Variants in STK39 observed in about 807,000 individuals in gnomAD.
The protein encoded by STK39 is serine/threonine kinase 39.
Under a neutral mutation model 77.8 loss-of-function variants are expected in STK39, and 20 were observed. The ratio of observed to expected loss-of-function variants is 0.26; its 90% CI spans 0.18 to 0.37. The LOEUF (loss-of-function observed/expected upper bound fraction) is 0.37, where lower values mean the gene tolerates loss of function less well. Ranked by LOEUF, STK39 falls within the 10% of genes least tolerant of loss-of-function variation. STK39 has a pLI of 1.00. For synonymous variants in STK39, 246 were observed against 234.1 expected (o/e 1.05, Z -0.47); for missense variants, 479 against 656.5 (o/e 0.73, Z 2.95).
intron 8 of STK39, among the ~76,000 whole-genome samples, chr2:168,133,805 C>T (rs1420448207): frequency 6.6e-6 from 1 of 151,770 alleles, no homozygotes; most frequent in Non-Finnish European, 1.5e-5. Context: ...TTGCAGTGAG[C>T]CGAGATCATG....
chr2:167,972,598 C>G (rs1692378921), intron 16 of STK39, among the ~76,000 whole-genome samples: 1 of 152,176 alleles, frequency 6.6e-6, no homozygotes, highest in African/African-American at 2.4e-5. Context: ...CCTCCACGAA[C>G]CATCTTAAAT....
intron 16 of STK39, among the ~76,000 whole-genome samples, chr2:167,986,271 C>T (rs899298868): frequency 2.0e-5 from 3 of 152,164 alleles, no homozygotes; most frequent in African/African-American, 7.2e-5. Context: ...AGAAATAAGA[C>T]AGCCTGCAGT....
At chr2:168,091,358 C>T (rs1686519160) in intron 10 of STK39, among the ~76,000 whole-genome samples, 2 of 152,216 alleles carry the variant, frequency 1.3e-5, no homozygotes, top group Admixed American at 1.3e-4. Context: ...CCCAAGTTAT[C>T]TTCTCATGTC....
At chr2:168,086,574 T>C (rs905790520) in intron 10 of STK39, among the ~76,000 whole-genome samples, 3 of 152,286 alleles carry the variant, frequency 2.0e-5, no homozygotes, top group Non-Finnish European at 2.9e-5. Flanking sequence ...AAAAGTTCTA[T>C]AGGCAATTAG....
intron 16 of STK39, among the ~76,000 whole-genome samples, chr2:167,982,173 G>GT (rs777071792): frequency 8.5e-5 from 13 of 152,164 alleles, no homozygotes; most frequent in Admixed American, 4.6e-4. Context: ...CCCAATATTT[G>GT]TTGTATGGTA....
intron 1 of STK39, among the ~76,000 whole-genome samples, chr2:168,236,579 T>A (rs1690616567): frequency 6.6e-6 from 1 of 152,200 alleles, no homozygotes; most frequent in African/African-American, 2.4e-5. Flanking sequence ...GTTTTTATGG[T>A]TTTAGGTCTA....
At chr2:168,113,538 G>C (rs1271342249) in intron 10 of STK39, among the ~76,000 whole-genome samples, 1 of 152,212 alleles carries the variant, frequency 6.6e-6, no homozygotes, top group Non-Finnish European at 1.5e-5. Flanking sequence ...GCAAAGAGAG[G>C]AAAGTAGCTT....
At chr2:168,152,426 A>C (rs1688312943) in intron 5 of STK39, among the ~76,000 whole-genome samples, 1 of 152,224 alleles carries the variant, frequency 6.6e-6, no homozygotes, top group South Asian at 2.1e-4. Flanking sequence ...TTTTGATGCA[A>C]GATAGGTCCT....
At chr2:168,016,889 G>A (rs1259918802) in intron 15 of STK39, among the ~76,000 whole-genome samples, 154 bp downstream of exon 15, 1 of 152,200 alleles carries the variant, frequency 6.6e-6, no homozygotes, top group Non-Finnish European at 1.5e-5. Flanking sequence ...GGAATCCTTA[G>A]AAGTATCAAA....
At chr2:168,037,484 TTATCTG>T (rs1684986996) in intron 14 of STK39, among the ~76,000 whole-genome samples, 2 of 152,178 alleles carry the variant, frequency 1.3e-5, no homozygotes, top group Admixed American at 1.3e-4. Context: ...AATCTGACAG[TTATCTG>T]TATAAGACCA....
chr2:167,960,600 G>A (rs952389630), intron 17 of STK39, among the ~76,000 whole-genome samples: 1 of 152,006 alleles, frequency 6.6e-6, no homozygotes, highest in African/African-American at 2.4e-5. Context: ...CTTACTCAGG[G>A]TGTATTCTGA....
At chr2:168,153,265 T>C (rs1338119823) in intron 5 of STK39, among the ~76,000 whole-genome samples, 1 of 152,354 alleles carries the variant, frequency 6.6e-6, no homozygotes. Context: ...CCACTTCCAG[T>C]TCTAAGTACT....
At chr2:168,100,493 G>A (rs920830729) in intron 10 of STK39, among the ~76,000 whole-genome samples, 1 of 152,078 alleles carries the variant, frequency 6.6e-6, no homozygotes, top group Non-Finnish European at 1.5e-5. Context: ...CGAACTCCTG[G>A]GCTCAAGCGA....
chr2:168,085,235 T>C (rs952642939), intron 10 of STK39, among the ~76,000 whole-genome samples: 3 of 152,084 alleles, frequency 2.0e-5, no homozygotes, highest in Non-Finnish European at 4.4e-5. Context: ...CTCTTTCTTG[T>C]GGAAAAAGAA....
intron 5 of STK39, among the ~76,000 whole-genome samples, chr2:168,150,557 G>T (rs570605349): frequency 6.6e-6 from 1 of 152,124 alleles, no homozygotes; most frequent in Admixed American, 6.5e-5. Flanking sequence ...AGAGGCTATA[G>T]GTAAACATGA....
chr2:168,182,517 C>A (rs572866369), intron 1 of STK39, among the ~76,000 whole-genome samples: 2 of 152,268 alleles, frequency 1.3e-5, no homozygotes, highest in Admixed American at 1.3e-4. Context: ...ACTCTTTGGG[C>A]TTATTTCTTC....
intron 2 of STK39, among the ~76,000 whole-genome samples, chr2:168,170,351 C>T (rs1340747411): frequency 1.3e-5 from 2 of 152,062 alleles, no homozygotes; most frequent in Non-Finnish European, 1.5e-5. Context: ...AAAACTATTG[C>T]CTAAAGATGA....
intron 16 of STK39, among the ~76,000 whole-genome samples, chr2:167,973,702 T>C (rs534352351): frequency 7.9e-5 from 12 of 152,196 alleles, no homozygotes; most frequent in Non-Finnish European, 1.5e-4. Flanking sequence ...GACTGTAAGA[T>C]GGCATAGGAA....
At chr2:168,125,101 A>G (rs1687507210) in intron 10 of STK39, among the ~76,000 whole-genome samples, 1 of 152,206 alleles carries the variant, frequency 6.6e-6, no homozygotes, top group African/African-American at 2.4e-5. Flanking sequence ...CTGCACATGT[A>G]TCCCAGAACT....
Sources: allele counts gnomAD v4.1 joint callset (sites outside exome capture counted in the v4.1 genomes callset), GRCh38; gene constraint gnomAD v4.1.1; transcripts MANE v1.5; gene names NCBI Gene and HGNC (gene_info 2026-07-23, HGNC 2026-07-21).